PTPRC: variants seen among roughly 807,000 people sequenced by gnomAD.
PTPRC encodes the protein protein tyrosine phosphatase receptor type C, also known as receptor-type tyrosine-protein phosphatase C.
Under a neutral mutation model 155.9 loss-of-function variants are expected in PTPRC, and 44 were observed. That is an observed-to-expected ratio of 0.28 (90% confidence interval 0.22 to 0.36). The LOEUF (loss-of-function observed/expected upper bound fraction) is 0.36, where lower values mean the gene tolerates loss of function less well. PTPRC is among the 10% of genes least tolerant of loss of function. PTPRC has a pLI of 1.00. For synonymous variants in PTPRC, 525 were observed against 533.1 expected, an observed-to-expected ratio of 0.98 and a Z score of 0.21; for missense variants, 1,401 against 1,564.6, an observed-to-expected ratio of 0.90 and a Z score of 1.76.
At chr1:198,671,130 AT>A (rs1299167643) in intron 2 of PTPRC, among the ~76,000 whole-genome samples, 12 of 150,274 alleles carry the variant, frequency 8.0e-5, no homozygotes, top group African/African-American at 2.7e-4. Context: ...AAAAAAAAAA[AT>A]TTTTCTAGCC....
At chr1:198,661,821 T>C (rs12145228) in intron 2 of PTPRC, among the ~76,000 whole-genome samples, 2,693 of 152,310 alleles carry the variant, frequency 0.018, 36 homozygotes, top group Non-Finnish European at 0.024. Flanking sequence ...TTTTCATCTA[T>C]ACTATTATTT....
chr1:198,734,462 G>T (rs1436416052), intron 22 of PTPRC, 37 bp downstream of exon 22: 1 of 1,586,770 alleles, frequency 6.3e-7, no homozygotes, highest in African/African-American at 1.3e-5. Flanking sequence ...GGGTCTTGGG[G>T]TTAGGAAAAC....
chr1:198,675,565 C>T (rs1557987767), intron 2 of PTPRC, among the ~76,000 whole-genome samples: 1 of 152,100 alleles, frequency 6.6e-6, no homozygotes, highest in Non-Finnish European at 1.5e-5. Flanking sequence ...TAAGGTTTCC[C>T]ATAGAATGAT....
rs1034183110 is a variant in PTPRC at position 198,708,000 on chromosome 1, A to C, written c.905-133A>C. 4.1e-6 allele frequency: 3 copies of C among 733,440 alleles called. No homozygotes were observed. In the African/African-American group the frequency reaches 5.3e-5, roughly 13 times the overall value. The allele number at this position is 733,440 out of a possible 1,614,324, so 45.4% of individuals were successfully genotyped here. A position where few individuals can be genotyped will look rare whatever the true frequency, so the allele number is the denominator to read the frequency against. Reference sequence around the variant, plus strand: ...GAGTTATTAGACTTTTCCCATAGCAATCTCAATCCTTGCCAAATTCTATGT... The same window carrying C: ...GAGTTATTAGACTTTTCCCATAGCACTCTCAATCCTTGCCAAATTCTATGT... On this transcript the variant is annotated intron_variant, in intron 9 of 32. Coordinates refer to ENST00000442510, the MANE Select transcript of PTPRC (RefSeq NM_002838.5).
chr1:198,717,870 C>T (rs1199050756), intron 13 of PTPRC, among the ~76,000 whole-genome samples: 1 of 152,160 alleles, frequency 6.6e-6, no homozygotes, highest in Admixed American at 6.6e-5. Flanking sequence ...CAATAACTCT[C>T]ATGGCTTCAT....
chr1:198,662,943 T>C (rs1664062414), intron 2 of PTPRC, among the ~76,000 whole-genome samples: 1 of 152,184 alleles, frequency 6.6e-6, no homozygotes, highest in Non-Finnish European at 1.5e-5. Context: ...AACTGTGCCA[T>C]GTGACCATTG....
intron 28 of PTPRC, 35 bp downstream of exon 28, chr1:198,749,584 A>G: frequency 1.3e-6 from 2 of 1,590,568 alleles, no homozygotes; most frequent in Non-Finnish European, 1.7e-6. Context: ...CAAGATCCAA[A>G]CATTTTAAAA....
intron 2 of PTPRC, among the ~76,000 whole-genome samples, chr1:198,652,449 G>C (rs184476144): frequency 1.3e-5 from 2 of 151,820 alleles, no homozygotes; most frequent in East Asian, 3.9e-4. Context: ...GAATAATCTA[G>C]TTGTGTGTAA....
At position 198,756,844 on chromosome 1, in the gene PTPRC, T is replaced by TA. The variant is rs1439749459; in HGVS notation, c.*669dup. 6.6e-6 allele frequency: 1 copy of TA among 151,964 alleles called. No homozygotes were observed. The highest frequency in any genetic ancestry group is 1.9e-4 in the East Asian group (1 of 5,178). The allele number at this position is 151,964 out of a possible 1,614,324, so 9.4% of individuals were successfully genotyped here. A position where few individuals can be genotyped will look rare whatever the true frequency, so the allele number is the denominator to read the frequency against. On this transcript the variant is annotated 3_prime_UTR_variant, in exon 33 of 33. Transcript: ENST00000442510. ...CAATGTCTTTTTAAGCTTATTTAAT[T>TA]AAAAAATTTCCAGTGAGCTTATCAT...
chr1:198,740,554 C>G, intron 23 of PTPRC, among the ~76,000 whole-genome samples: 1 of 151,388 alleles, frequency 6.6e-6, no homozygotes, highest in East Asian at 1.9e-4. Flanking sequence ...TACACTCAAG[C>G]CTGGGCTTTG....
At chr1:198,648,151 T>G (rs562241353) in intron 2 of PTPRC, among the ~76,000 whole-genome samples, 1 of 151,896 alleles carries the variant, frequency 6.6e-6, no homozygotes, top group Non-Finnish European at 1.5e-5. Context: ...TTGTGTAGAT[T>G]ATTATTAGAT....
intron 2 of PTPRC, among the ~76,000 whole-genome samples, chr1:198,690,384 CA>C (rs1371479100): frequency 6.0e-5 from 9 of 150,896 alleles, no homozygotes; most frequent in African/African-American, 2.2e-4. Flanking sequence ...ATAAACATAA[CA>C]ATAGTTTACA....
chr1:198,752,381 C>T lies in PTPRC; in HGVS notation c.3330+10C>T, dbSNP rs774003060. 1 of 1,612,252 alleles carries T rather than the reference C, an allele frequency of 6.2e-7. No individual in the cohort carries two copies. Among genetic ancestry groups the T allele is most frequent in the South Asian group, 1.1e-5 (1 of 91,064 alleles). ...ACTGAGACATTCCAAGGTATGGAAA[C>T]AATTTGGGGAGTATATTTCTTTGAT... is the stretch of plus-strand genomic sequence containing the variant. On this transcript the variant is annotated intron_variant, in intron 30 of 32. Transcript: ENST00000442510.
At chr1:198,737,849 T>G (rs1193098624) in intron 23 of PTPRC, among the ~76,000 whole-genome samples, 2 of 151,800 alleles carry the variant, frequency 1.3e-5, no homozygotes, top group Admixed American at 6.6e-5. Context: ...CAATGTTTCA[T>G]AGTTTTCATT....
intron 23 of PTPRC, among the ~76,000 whole-genome samples, chr1:198,738,498 C>A (rs146960375): frequency 6.6e-6 from 1 of 151,784 alleles, no homozygotes; most frequent in Non-Finnish European, 1.5e-5. Flanking sequence ...TGGATAAATG[C>A]CACTTGATCA....
At chr1:198,708,343 T>C (rs1653109481) in intron 10 of PTPRC, 82 bp downstream of exon 10, 1 of 1,367,634 alleles carries the variant, frequency 7.3e-7, no homozygotes, top group East Asian at 2.4e-5. Flanking sequence ...CTCTCTGCCC[T>C]TTCTCTCTTC....
chr1:198,722,409 A>G lies in PTPRC; in HGVS notation c.1660-7A>G. 1 of 1,415,356 alleles carries G rather than the reference A, an allele frequency of 7.1e-7. No individual in the cohort carries two copies. The allele number at this position is 1,415,356 out of a possible 1,614,324, so 87.7% of individuals were successfully genotyped here. ...TAATTATTTTATTTTTTGTTACTGA[A>G]ATTCAGGCCTATTTTCACAATGGAG... On this transcript the variant is annotated splice_region_variant and splice_polypyrimidine_tract_variant and intron_variant, in intron 14 of 32. Coordinates refer to ENST00000442510, the MANE Select transcript of PTPRC (RefSeq NM_002838.5).
chr1:198,752,870 T>A, intron 31 of PTPRC, 98 bp downstream of exon 31: 44 of 1,342,886 alleles, frequency 3.3e-5, no homozygotes, highest in Non-Finnish European at 4.5e-5. Flanking sequence ...ATGAAACACA[T>A]AACCACAGTA....
chr1:198,706,556 G>C (rs767739771), intron 8 of PTPRC, among the ~76,000 whole-genome samples, 178 bp from the exon 9 acceptor site: 1 of 152,180 alleles, frequency 6.6e-6, no homozygotes, highest in Admixed American at 6.5e-5. Flanking sequence ...TGAGGTCCTT[G>C]TTAGGGCAGT....
Sources: allele counts gnomAD v4.1 joint callset (sites outside exome capture counted in the v4.1 genomes callset), GRCh38; gene constraint gnomAD v4.1.1; transcripts MANE v1.5; gene names NCBI Gene and HGNC (gene_info 2026-07-23, HGNC 2026-07-21).